CACNA2D3: variants seen among roughly 807,000 people sequenced by gnomAD.
The protein encoded by CACNA2D3 is voltage-dependent calcium channel subunit alpha-2/delta-3.
CACNA2D3 carries 60 observed loss-of-function variants against 160.6 expected under a neutral mutation model. The ratio of observed to expected loss-of-function variants is 0.37; its 90% confidence interval spans 0.30 to 0.46. The LOEUF (loss-of-function observed/expected upper bound fraction) is 0.46. Among genes scored for constraint, CACNA2D3 ranks in the 20% least tolerant of loss-of-function variants. The pLI, the probability that CACNA2D3 is intolerant of heterozygous loss-of-function variation, is 1.00. For synonymous variants in CACNA2D3, 558 were observed against 492.9 expected (o/e 1.13, Z -1.75); for missense variants, 1,205 against 1,365.0 (o/e 0.88, Z 1.85).
At chr3:54,542,048 G>A (rs2106665512) in intron 5 of CACNA2D3, among the ~76,000 whole-genome samples, 1 of 151,548 alleles carries the variant, frequency 6.6e-6, no homozygotes, top group Admixed American at 6.6e-5. Context: ...ATGTGAATGA[G>A]AGTTTTTTTT....
At chr3:54,298,801 AGGTGG>A (rs1703400037) in intron 2 of CACNA2D3, among the ~76,000 whole-genome samples, 1 of 140,982 alleles carries the variant, frequency 7.1e-6, no homozygotes. Flanking sequence ...AGTGGAGGCC[AGGTGG>A]CTCCAGAAGG....
At chr3:54,652,162 T>C (rs9858510) in intron 11 of CACNA2D3, among the ~76,000 whole-genome samples, 1,689 of 151,956 alleles carry the variant, frequency 0.011, 25 homozygotes, top group African/African-American at 0.039. Context: ...ACCGTCACTC[T>C]GGCTGTCTGT....
chr3:54,598,488 G>A (rs1163927213), intron 9 of CACNA2D3, among the ~76,000 whole-genome samples: 16 of 152,170 alleles, frequency 1.1e-4, no homozygotes, highest in Admixed American at 9.8e-4. Context: ...AAATAATAAT[G>A]ATGATGAGTG....
intron 2 of CACNA2D3, among the ~76,000 whole-genome samples, chr3:54,130,807 A>G (rs566947891): frequency 1.3e-5 from 2 of 152,362 alleles, no homozygotes; most frequent in Non-Finnish European, 2.9e-5. Flanking sequence ...AATGAGAAAC[A>G]TCTGGGATAT....
chr3:54,625,589 G>A (rs1311308255), intron 9 of CACNA2D3, among the ~76,000 whole-genome samples: 1 of 152,218 alleles, frequency 6.6e-6, no homozygotes, highest in African/African-American at 2.4e-5. Context: ...GAGCGGGCCA[G>A]GGAAGAGGGT....
intron 2 of CACNA2D3, among the ~76,000 whole-genome samples, chr3:54,315,982 A>G (rs1703851055): frequency 6.6e-6 from 1 of 152,148 alleles, no homozygotes; most frequent in East Asian, 1.9e-4. Context: ...AATAAAGGTA[A>G]GCAAAAGAAG....
At chr3:54,499,932 C>T (rs937999462) in intron 4 of CACNA2D3, among the ~76,000 whole-genome samples, 15 of 152,142 alleles carry the variant, frequency 9.9e-5, no homozygotes, top group African/African-American at 3.6e-4. Flanking sequence ...TTCATTTCAA[C>T]TGTATTCTTA....
At position 54,924,775 on chromosome 3, in the gene CACNA2D3, T is replaced by C. The variant is rs778928451; in HGVS notation, c.2449+24907T>C. On this transcript the variant is annotated intron_variant, in intron 27 of 37. Coordinates refer to ENST00000474759, the MANE Select transcript of CACNA2D3 (RefSeq NM_018398.3). ...AGCTGGTTTTGTTGAACCGCAAGTA[T>C]AGTTAGGTTCTCCCAAGTCTCTCCC... The C allele has an allele frequency of 1.4e-5, 23 of 1,613,916 alleles. No homozygotes were observed. The highest frequency in any genetic ancestry group is 4.0e-5 in the African/African-American group (3 of 74,886).
At chr3:54,637,220 T>C (rs576599664) in intron 10 of CACNA2D3, among the ~76,000 whole-genome samples, 1 of 151,996 alleles carries the variant, frequency 6.6e-6, no homozygotes, top group East Asian at 1.9e-4. Flanking sequence ...TAAAGTGTGC[T>C]GCGGGATGGG....
intron 9 of CACNA2D3, among the ~76,000 whole-genome samples, chr3:54,589,897 A>T (rs1450109097): frequency 3.3e-5 from 5 of 152,214 alleles, no homozygotes; most frequent in African/African-American, 4.8e-5. Context: ...TAAAAAGAAT[A>T]AAAACAGCAA....
intron 8 of CACNA2D3, among the ~76,000 whole-genome samples, chr3:54,573,034 A>T (rs1014037782): frequency 6.6e-6 from 1 of 152,340 alleles, no homozygotes; most frequent in Middle Eastern, 3.4e-3. Flanking sequence ...CAGTTATTAT[A>T]GAAGAGTTAA....
chr3:54,680,209 T>A (rs1016858604), intron 11 of CACNA2D3, among the ~76,000 whole-genome samples: 2 of 152,154 alleles, frequency 1.3e-5, no homozygotes, highest in Non-Finnish European at 2.9e-5. Flanking sequence ...GCTATGTCCC[T>A]GGATCAAATG....
rs774195431 is a variant in CACNA2D3, at chr3:54,649,138, C to T, written c.1167+6897C>T. On this transcript the variant is annotated intron_variant, in intron 11 of 37. Coordinates refer to ENST00000474759, the MANE Select transcript of CACNA2D3 (RefSeq NM_018398.3). ...GAGCTTCTCTTACCAAAATGTTTAG[C>T]GGCCCTTTCTCCTTTTCCCTCTCTC... Among the ~76,000 whole-genome samples, 69 of 152,286 alleles carry T rather than the reference C, an allele frequency of 4.5e-4. 1 individual carries two copies. Among genetic ancestry groups the T allele is most frequent in the Middle Eastern group, 6.8e-3 (2 of 294 alleles).
chr3:54,629,249 G>T (rs1306045227), intron 10 of CACNA2D3, among the ~76,000 whole-genome samples: 1 of 151,848 alleles, frequency 6.6e-6, no homozygotes, highest in Non-Finnish European at 1.5e-5. Context: ...TTGTCATTTT[G>T]CAGGTGAGCA....
At chr3:54,590,796 A>G (rs1020878465) in intron 9 of CACNA2D3, among the ~76,000 whole-genome samples, 1 of 152,118 alleles carries the variant, frequency 6.6e-6, no homozygotes, top group African/African-American at 2.4e-5. Context: ...ACCTCAAAAT[A>G]AAAAGTGTAA....
At chr3:54,916,305 C>T (rs1005200183) in intron 27 of CACNA2D3, among the ~76,000 whole-genome samples, 5 of 152,042 alleles carry the variant, frequency 3.3e-5, no homozygotes, top group Non-Finnish European at 5.9e-5. Flanking sequence ...GCCAAGCATC[C>T]TCAGTCCAGG....
intron 11 of CACNA2D3, among the ~76,000 whole-genome samples, chr3:54,647,359 G>T (rs1039422393): frequency 2.6e-5 from 4 of 152,192 alleles, no homozygotes; most frequent in Admixed American, 2.0e-4. Context: ...TAAAGCATCC[G>T]CAAGCCTAGT....
At chr3:54,889,633 T>C (rs1051117433) in intron 24 of CACNA2D3, among the ~76,000 whole-genome samples, 1 of 152,220 alleles carries the variant, frequency 6.6e-6, no homozygotes, top group South Asian at 2.1e-4. Context: ...CATCGTGAGC[T>C]GAAAATGACT....
intron 18 of CACNA2D3, chr3:54,874,722 T>TG (rs1699619107): frequency 6.6e-6 from 1 of 152,226 alleles, no homozygotes; most frequent in African/African-American, 2.4e-5. Context: ...ACATAGAGTG[T>TG]GGATTCCAAC....
Sources: gnomAD v4.1 joint callset for allele counts (sites outside exome capture counted in the v4.1 genomes callset) on GRCh38, gnomAD v4.1.1 for gene constraint, MANE v1.5 for transcripts, NCBI Gene and HGNC (gene_info 2026-07-23, HGNC 2026-07-21) for gene names.